Variants in PITPNC1 observed in about 807,000 individuals in gnomAD.
PITPNC1 encodes cytoplasmic phosphatidylinositol transfer protein 1.
Under a neutral mutation model 44.7 loss-of-function variants are expected in PITPNC1, and 18 were observed. The ratio of observed to expected loss-of-function variants is 0.40; its 90% confidence interval spans 0.28 to 0.60. The LOEUF is 0.60. Among genes scored for constraint, PITPNC1 ranks in the 20% least tolerant of loss-of-function variants. The pLI is 0.39. For missense variants in PITPNC1, 290 were observed against 418.4 expected, an observed-to-expected ratio of 0.69 and a Z score of 2.68; for synonymous variants, 141 against 149.6, an observed-to-expected ratio of 0.94 and a Z score of 0.42.
At chr17:67,434,807 A>AAAT (rs1555650821) in intron 1 of PITPNC1, among the ~76,000 whole-genome samples, 1 of 148,348 alleles carries the variant, frequency 6.7e-6, no homozygotes, top group Non-Finnish European at 1.5e-5. Flanking sequence ...CAAAAAAAAA[A>AAAT]AAAAAATAAA....
intron 1 of PITPNC1, among the ~76,000 whole-genome samples, chr17:67,412,055 T>A (rs759602817): frequency 6.6e-6 from 1 of 152,216 alleles, no homozygotes. Flanking sequence ...CTTTCTTTTA[T>A]GACCTTAGGC....
chr17:67,632,249 G>T lies in PITPNC1; in HGVS notation c.462+11G>T, dbSNP rs761669148. The T allele has an allele frequency of 1.3e-6, 2 of 1,511,190 alleles. No homozygotes were observed. Among genetic ancestry groups the T allele is most frequent in the African/African-American group, 2.7e-5 (2 of 72,942 alleles). The allele number at this position is 1,511,190 out of a possible 1,614,324, so 93.6% of individuals were successfully genotyped here. The stretch of plus-strand genomic sequence containing the variant: ...TACAAAGAATCTGAGGTAAGCAACA[G>T]TTGGGATGAGATGTGGAAGATTCAT... On this transcript the variant is annotated intron_variant, in intron 6 of 8. Coordinates refer to ENST00000581322, the MANE Select transcript of PITPNC1 (RefSeq NM_012417.4).
chr17:67,592,907 G>A (rs144958200), intron 5 of PITPNC1, among the ~76,000 whole-genome samples: 8 of 152,276 alleles, frequency 5.3e-5, no homozygotes, highest in African/African-American at 1.9e-4. Context: ...GCATGGTGAT[G>A]TAGGCCTGTA....
At chr17:67,528,527 A>G (rs151128589) in intron 1 of PITPNC1, among the ~76,000 whole-genome samples, 61 of 152,276 alleles carry the variant, frequency 4.0e-4, no homozygotes, top group African/African-American at 1.4e-3. Context: ...TCAACATACA[A>G]GTTTGTTTGG....
chr17:67,595,565 G>A (rs76900093), intron 5 of PITPNC1, among the ~76,000 whole-genome samples: 4 of 151,950 alleles, frequency 2.6e-5, no homozygotes, highest in East Asian at 3.9e-4. Flanking sequence ...CTTTTGATGC[G>A]CTGAAATCAT....
chr17:67,414,345 C>G (rs12936359), intron 1 of PITPNC1, among the ~76,000 whole-genome samples: 2 of 152,072 alleles, frequency 1.3e-5, no homozygotes, highest in African/African-American at 2.4e-5. Context: ...TATCTTTTCA[C>G]TGGAATACTA....
intron 6 of PITPNC1, among the ~76,000 whole-genome samples, chr17:67,647,668 A>T (rs2042167994): frequency 6.6e-6 from 1 of 151,864 alleles, no homozygotes; most frequent in East Asian, 1.9e-4. Context: ...GAACCCATCT[A>T]CAGACCCTAA....
rs562218318 is a variant in PITPNC1 at position 67,542,207 on chromosome 17, C to T, written c.197+9257C>T. ...CTTGCACCATTCTAAACCAGGTCCA[C>T]CATTTCATAATTTTAAAAAGTTCTT... On this transcript the variant is annotated intron_variant, in intron 2 of 8. Transcript: ENST00000581322. Among the ~76,000 whole-genome samples the T allele has an allele frequency of 2.0e-5, 3 of 152,190 alleles. 1 individual carries two copies. The South Asian group carries it at 6.2e-4, about 32-fold the overall frequency.
In PITPNC1 at chr17:67,528,136, G is replaced by A. The variant is rs193178638; in HGVS notation, c.49-4666G>A. On this transcript the variant is annotated intron_variant, in intron 1 of 8. Coordinates refer to ENST00000581322, the MANE Select transcript of PITPNC1 (RefSeq NM_012417.4). ...GGCTCACTGCAACCTCCACTTCCTG[G>A]GTTCAAGTGATTCTCCTGTCTCTGC... is the stretch of plus-strand genomic sequence containing the variant. 3.7e-3 allele frequency among the ~76,000 whole-genome samples: 561 copies of A among 152,240 alleles called. 3 individuals are homozygous for A. Among genetic ancestry groups the A allele is most frequent in the African/African-American group, 0.012 (504 of 41,544 alleles).
At chr17:67,454,900 G>A (rs12949711) in intron 1 of PITPNC1, among the ~76,000 whole-genome samples, 32,825 of 148,954 alleles carry the variant, frequency 0.22, 3,770 homozygotes, top group Middle Eastern at 0.25. Context: ...GCTCACTGCA[G>A]CCTCCACCTC....
At chr17:67,411,738 T>C (rs1024244050) in intron 1 of PITPNC1, among the ~76,000 whole-genome samples, 3 of 152,174 alleles carry the variant, frequency 2.0e-5, no homozygotes, top group Admixed American at 2.0e-4. Flanking sequence ...TGCTCCTTAT[T>C]CCTCTTACAG....
intron 7 of PITPNC1, among the ~76,000 whole-genome samples, chr17:67,671,049 A>G (rs2042504410): frequency 6.6e-6 from 1 of 152,030 alleles, no homozygotes; most frequent in Non-Finnish European, 1.5e-5. Flanking sequence ...CACCATGCCC[A>G]GCTAATTTTT....
chr17:67,407,016 G>C (rs1236995706), intron 1 of PITPNC1, among the ~76,000 whole-genome samples: 1 of 152,180 alleles, frequency 6.6e-6, no homozygotes, highest in Non-Finnish European at 1.5e-5. Context: ...TCAGTTCTTT[G>C]GGATATATAC....
rs748493281 is a variant in PITPNC1, at chr17:67,632,198, C to T, written c.422C>T (p.Ala141Val). The change falls in exon 6 of 9, where the codon GCC (alanine) becomes GTC (valine). Residue 141 changes from alanine to valine, a missense_variant. Transcript: ENST00000581322. ...VEREVCFIDIACDEIPERYYK... is the reference protein window; with the variant it reads ...VEREVCFIDIVCDEIPERYYK... ...AGAGAAGTTTGCTTTATTGATATTG[C>T]CTGCGATGAAATTCCAGAGCGCTAC... 1.9e-6 allele frequency: 3 copies of T among 1,612,516 alleles called. No homozygotes were observed. Among genetic ancestry groups the T allele is most frequent in the Admixed American group, 1.7e-5 (1 of 59,968 alleles).
At chr17:67,389,668 TTTGTTGTTG>T (rs141781886) in intron 1 of PITPNC1, among the ~76,000 whole-genome samples, 95 of 151,784 alleles carry the variant, frequency 6.3e-4, no homozygotes, top group African/African-American at 2.1e-3. Context: ...TGTTTTTTGT[TTTGTTGTTG>T]TTGTTGTTGT....
rs1598778064 is a variant in PITPNC1 at position 67,524,971 on chromosome 17, T to G, written c.49-7831T>G. 2 of 10,368 alleles carry G rather than the reference T, an allele frequency of 1.9e-4. 1 individual carries two copies. The highest frequency in any genetic ancestry group is 3.5e-4 in the Non-Finnish European group (2 of 5,780). The allele number at this position is 10,368 out of a possible 1,614,324, so 0.6% of individuals were successfully genotyped here. A position where few individuals can be genotyped will look rare whatever the true frequency, so the allele number is the denominator to read the frequency against. ...TTTTTAGTAGAGACGGGGTTTCACC[T>G]TGTTAGCCAGGATGGTCTCGATCTC... On this transcript the variant is annotated intron_variant, in intron 1 of 8. Transcript: ENST00000581322.
chr17:67,478,080 T>C (rs554730036), intron 1 of PITPNC1, among the ~76,000 whole-genome samples: 1 of 152,288 alleles, frequency 6.6e-6, no homozygotes, highest in East Asian at 1.9e-4. Context: ...ATTGGAAAAC[T>C]GGGAGGCAGT....
intron 1 of PITPNC1, among the ~76,000 whole-genome samples, chr17:67,434,734 G>T (rs2038907991): frequency 6.6e-6 from 1 of 150,620 alleles, no homozygotes; most frequent in South Asian, 2.1e-4. Flanking sequence ...GATTGCTTGA[G>T]CCCAGGAGGT....
intron 1 of PITPNC1, among the ~76,000 whole-genome samples, chr17:67,434,075 C>T (rs1315939331): frequency 6.6e-6 from 1 of 152,036 alleles, no homozygotes; most frequent in Non-Finnish European, 1.5e-5. Context: ...GGAGCAAGGC[C>T]AGAGCTCAGC....
Sources: gnomAD v4.1 joint callset for allele counts (sites outside exome capture counted in the v4.1 genomes callset) on GRCh38, gnomAD v4.1.1 for gene constraint, MANE v1.5 for transcripts, NCBI Gene and HGNC (gene_info 2026-07-23, HGNC 2026-07-21) for gene names.